The following LAMB4 variants were observed in gnomAD, a reference collection of about 807,000 sequenced individuals.
LAMB4 encodes the protein laminin subunit beta 4.
A neutral mutation model predicts 199.2 loss-of-function variants in LAMB4; 196 were observed. The ratio of observed to expected loss-of-function variants is 0.98; its 90% CI spans 0.88 to 1.11. The LOEUF (loss-of-function observed/expected upper bound fraction) is 1.11. Ranked by LOEUF, LAMB4 falls within the 50% of genes least tolerant of loss-of-function variation. LAMB4 has a pLI of 0.00. For synonymous variants in LAMB4, 744 were observed against 770.6 expected, an observed-to-expected ratio of 0.97 and a Z score of 0.57; for missense variants, 2,080 against 2,171.2, an observed-to-expected ratio of 0.96 and a Z score of 0.83.
chr7:108,055,306 C>A (rs745805196), intron 25 of LAMB4, among the ~76,000 whole-genome samples: 1 of 151,984 alleles, frequency 6.6e-6, no homozygotes, highest in Non-Finnish European at 1.5e-5. Context: ...CTTGCCTCAG[C>A]CTCCCAAGTA....
At chr7:108,128,695 G>T (rs1273501278) in intron 1 of LAMB4, among the ~76,000 whole-genome samples, 1 of 152,090 alleles carries the variant, frequency 6.6e-6, no homozygotes, top group Non-Finnish European at 1.5e-5. Context: ...CACATACAGC[G>T]CAATATCAGA....
At chr7:108,031,331 C>CAAAAAAAA (rs60572529) in intron 31 of LAMB4, among the ~76,000 whole-genome samples, 37 of 14,888 alleles carry the variant, frequency 2.5e-3, no homozygotes, top group African/African-American at 4.0e-3. Context: ...TCAACAATAA[C>CAAAAAAAA]AAAAAAAAAA....
intron 31 of LAMB4, among the ~76,000 whole-genome samples, chr7:108,031,775 A>G (rs1304479799): frequency 6.6e-6 from 1 of 152,232 alleles, no homozygotes; most frequent in Non-Finnish European, 1.5e-5. Context: ...TTGTTTGAAC[A>G]TACAACAATG....
chr7:108,039,046 T>C (rs997149231), intron 29 of LAMB4, among the ~76,000 whole-genome samples: 52 of 152,200 alleles, frequency 3.4e-4, no homozygotes, highest in African/African-American at 1.2e-3. Context: ...GGACAGCAGG[T>C]TAAACTTGTG....
At chr7:108,128,171 G>C (rs1347194286) in intron 1 of LAMB4, among the ~76,000 whole-genome samples, 1 of 152,126 alleles carries the variant, frequency 6.6e-6, no homozygotes, top group Non-Finnish European at 1.5e-5. Context: ...TGAACTGCAT[G>C]ACTTTTACAA....
chr7:108,123,289 G>T (rs760075004), intron 1 of LAMB4, 92 bp from the exon 2 acceptor site: 174 of 703,594 alleles, frequency 2.5e-4, no homozygotes, highest in Admixed American at 5.6e-4. Context: ...TTATCGAATG[G>T]TTCTTATGCT....
chr7:108,114,619 T>C (rs1360829383), intron 3 of LAMB4, among the ~76,000 whole-genome samples: 2 of 152,204 alleles, frequency 1.3e-5, no homozygotes, highest in African/African-American at 4.8e-5. Context: ...TCTCCACTTA[T>C]TTATAATAGT....
intron 32 of LAMB4, among the ~76,000 whole-genome samples, chr7:108,029,872 C>A (rs1401839814): frequency 1.3e-5 from 2 of 152,156 alleles, no homozygotes; most frequent in Non-Finnish European, 2.9e-5. Context: ...GTAATCCCAG[C>A]ACTTTAGGAG....
At chr7:108,095,800 T>C (rs1388535203) in intron 11 of LAMB4, among the ~76,000 whole-genome samples, 3 of 152,190 alleles carry the variant, frequency 2.0e-5, no homozygotes, top group Non-Finnish European at 4.4e-5. Flanking sequence ...CCTCTACCCG[T>C]AGACATTTCT....
At position 108,048,093 on chromosome 7, in the gene LAMB4, T is replaced by C. The variant is rs769161046; in HGVS notation, c.4141A>G (p.Asn1381Asp). The change falls in exon 28 of 34, where the codon AAT becomes GAT. Residue 1381 changes from asparagine (N) to aspartate (D), a missense_variant. Physicochemically the swap from Asn to Asp is conservative, Grantham distance 23. Transcript: ENST00000388781. ...LNEKVCGDPGNVPCVPLPCGG... is the reference protein window; with the variant it reads ...LNEKVCGDPGDVPCVPLPCGG... ...CAGGGCAAGGGCACACATGGCACAT[T>C]TCCTGGATCTCCGCACACCTTGCAA... is the stretch of plus-strand genomic sequence containing the variant. The C allele has an allele frequency of 9.9e-6, 16 of 1,613,576 alleles. No homozygotes were observed. The Middle Eastern group carries it at 8.3e-4, about 83-fold the overall frequency.
In LAMB4 at chr7:108,063,871, C is replaced by T. The variant is rs1220094236; in HGVS notation, c.2951G>A (p.Cys984Tyr). The T allele has an allele frequency of 6.2e-7, 1 of 1,614,078 alleles. No homozygotes were observed. The highest frequency in any genetic ancestry group is 1.3e-5 in the African/African-American group (1 of 74,926). ...NNIDVTDPES[C>Y]SRVTGECLRC... ...AAGGCACTCCCCTGTTACCCGGCTG[C>T]AGGACTCTGGATCGGTTACATCTAT... The change falls in exon 22 of 34, where the codon TGC (cysteine) becomes TAC (tyrosine). Residue 984 changes from cysteine to tyrosine, a missense_variant. Cys to Tyr is a radical substitution (Grantham distance 194). Coordinates refer to ENST00000388781, the MANE Select transcript of LAMB4 (RefSeq NM_007356.3).
intron 1 of LAMB4, among the ~76,000 whole-genome samples, chr7:108,126,847 C>T (rs112047870): frequency 3.9e-5 from 6 of 152,014 alleles, no homozygotes; most frequent in Non-Finnish European, 7.4e-5. Context: ...GGATTACAGG[C>T]GTGAGCCACC....
intron 14 of LAMB4, among the ~76,000 whole-genome samples, chr7:108,090,155 C>T (rs1031454517): frequency 1.3e-5 from 2 of 152,090 alleles, no homozygotes; most frequent in African/African-American, 4.8e-5. Context: ...AAGCATAGCA[C>T]ATTAAATACA....
the LAMB4 span, among the ~76,000 whole-genome samples, chr7:108,015,587 T>C: frequency 6.6e-6 from 1 of 152,162 alleles, no homozygotes; most frequent in Non-Finnish European, 1.5e-5. Flanking sequence ...TCCAACCAAG[T>C]AGTTATTCTA....
At chr7:108,064,598 A>G (rs2036272668) in intron 21 of LAMB4, among the ~76,000 whole-genome samples, 1 of 152,158 alleles carries the variant, frequency 6.6e-6, no homozygotes, top group African/African-American at 2.4e-5. Context: ...CACTCTCCAC[A>G]TTTTGGTTCA....
In LAMB4 at chr7:108,103,122, C is replaced by T; in HGVS notation, c.1102G>A (p.Gly368Arg). The T allele has an allele frequency of 1.2e-6, 2 of 1,613,764 alleles. No homozygotes were observed. Among genetic ancestry groups the T allele is most frequent in the Non-Finnish European group, 1.7e-6 (2 of 1,179,866 alleles). ...VCEDCQHNTE[G>R]QHCDRCRPLF... ...GGTCTGCAGCGGTCGCAGTGCTGCCCCTCAGTGTTGTGCTGGCAGTCTTCA... is the reference window on the plus strand; with the variant it reads ...GGTCTGCAGCGGTCGCAGTGCTGCCTCTCAGTGTTGTGCTGGCAGTCTTCA... Residue 368 changes from glycine (G) to arginine (R), a missense_variant, in exon 10 of 34, where the codon GGG (glycine) becomes AGG (arginine). Physicochemically the swap from Gly to Arg is moderately radical, Grantham distance 125 (BLOSUM62 -2). Coordinates refer to ENST00000388781, the MANE Select transcript of LAMB4 (RefSeq NM_007356.3).
chr7:108,107,689 A>ACT lies in LAMB4; in HGVS notation c.531_532dup (p.Val178GlufsTer24). 1 of 1,612,820 alleles carries ACT rather than the reference A, an allele frequency of 6.2e-7. No individual in the cohort carries two copies. The highest frequency in any genetic ancestry group is 2.2e-5 in the East Asian group (1 of 44,840). Reference sequence around the variant, plus strand: ...TTTGGAGTCACAAACAATGTCTCCCACTCCCTGGGCCTGGCCAGATGTGAT... The same window carrying ACT: ...TTTGGAGTCACAAACAATGTCTCCCACTCTCCCTGGGCCTGGCCAGATGTGAT... On this transcript the variant is annotated frameshift_variant, in exon 6 of 34. Transcript: ENST00000388781. LOFTEE classifies it high-confidence loss of function.
At position 108,052,221 on chromosome 7, in the gene LAMB4, T is replaced by C; in HGVS notation, c.3792A>G (p.Ala1264=). ...QIMQLNEQLK[A]VYEFQDLKDT... ...CTTTCAGATCTTGAAATTCATACAC[T>C]GCTTTCAGTTGTTCATTTAGCTGCA... Residue 1264 remains alanine, a synonymous_variant, in exon 26 of 34, where the codon GCA becomes GCG. Transcript: ENST00000388781. 6.2e-7 allele frequency: 1 copy of C among 1,608,474 alleles called. No homozygotes were observed. Among genetic ancestry groups the C allele is most frequent in the Non-Finnish European group, 8.5e-7 (1 of 1,177,100 alleles).
At position 108,084,525 on chromosome 7, in the gene LAMB4, G is replaced by A. The variant is rs552281078; in HGVS notation, c.1702-4739C>T. 5.9e-5 allele frequency among the ~76,000 whole-genome samples: 9 copies of A among 152,256 alleles called. No individual in the cohort carries two copies. In the East Asian group the frequency reaches 7.7e-4, roughly 13 times the overall value. ...ATGCACGTGAGCAGAAGAGATATGC[G>A]CATCATGTATGTCTGCTTCCTTGTT... is the stretch of plus-strand genomic sequence containing the variant. On this transcript the variant is annotated intron_variant, in intron 14 of 33. Transcript: ENST00000388781.
Sources: allele counts gnomAD v4.1 joint callset (sites outside exome capture counted in the v4.1 genomes callset), GRCh38; gene constraint gnomAD v4.1.1; transcripts MANE v1.5; gene names NCBI Gene and HGNC (gene_info 2026-07-23, HGNC 2026-07-21).